The following MCUR1 variants were observed in gnomAD, a reference collection of about 807,000 sequenced individuals.
MCUR1 encodes the protein MCU regulator 1.
MCUR1 carries 37 observed loss-of-function variants against 42.0 expected under a neutral mutation model. The observed-to-expected ratio is 0.88, with a 90% CI of 0.68 to 1.16. The LOEUF (loss-of-function observed/expected upper bound fraction) is 1.16, where lower values mean the gene tolerates loss of function less well. MCUR1 is among the 50% of genes most tolerant of loss of function. The pLI, the probability that MCUR1 is intolerant of heterozygous loss-of-function variation, is 0.00. For synonymous variants in MCUR1, 229 were observed against 196.2 expected, an observed-to-expected ratio of 1.17 and a Z score of -1.40; for missense variants, 469 against 468.4, an observed-to-expected ratio of 1.00 and a Z score of -0.01.
chr6:13,800,519 C>A, intron 4 of MCUR1, 137 bp from the exon 5 acceptor site: 1 of 568,432 alleles, frequency 1.8e-6, no homozygotes, highest in Non-Finnish European at 3.2e-6. Context: ...TGCAGAATGG[C>A]ATTACAACAC....
intron 5 of MCUR1, among the ~76,000 whole-genome samples, chr6:13,799,187 ATT>A (rs11482576): frequency 7.2e-5 from 10 of 139,754 alleles, no homozygotes; most frequent in East Asian, 2.1e-4. Flanking sequence ...TGTTGCTGCC[ATT>A]TTTTTTTTTT....
intron 6 of MCUR1, among the ~76,000 whole-genome samples, chr6:13,797,545 A>G (rs1160468638): frequency 6.6e-6 from 1 of 151,528 alleles, no homozygotes; most frequent in African/African-American, 2.4e-5. Context: ...CGTCTCTACT[A>G]AAAATACAAA....
In MCUR1 at chr6:13,800,977, T is replaced by C. The variant is rs183047857; in HGVS notation, c.741+311A>G. Among the ~76,000 whole-genome samples the C allele has an allele frequency of 1.5e-3, 233 of 152,264 alleles. 1 individual carries two copies. Among genetic ancestry groups the C allele is most frequent in the South Asian group, 4.3e-3 (21 of 4,832 alleles). On this transcript the variant is annotated intron_variant, in intron 4 of 8. Transcript: ENST00000379170. ...ATGGGGCCTATTGATGTTAAGACTA[T>C]AGACAATGAAAAAAATGATCTCTTG...
chr6:13,800,512 A>C (rs1481329899), intron 4 of MCUR1, 130 bp from the exon 5 acceptor site: 3 of 578,454 alleles, frequency 5.2e-6, no homozygotes, highest in Admixed American at 3.3e-5. Context: ...TATTGATTGC[A>C]GAATGGCATT....
chr6:13,808,515 G>GTTTTTTCTTTTGTTGCCTGTGC (rs1330967383), intron 1 of MCUR1, among the ~76,000 whole-genome samples: 249 of 152,250 alleles, frequency 1.6e-3, no homozygotes, highest in Non-Finnish European at 3.0e-3. Context: ...CAATTGATCT[G>GTTTTTTCTTTTGTTGCCTGTGC]TTTTTTCTTT....
rs1760006866 is a variant in MCUR1 at position 13,802,281 on chromosome 6, C to CCATGTTGGCCTCCAGGATCTTGACCA, written c.575_600dup (p.Asp201TrpfsTer29). 6.2e-7 allele frequency: 1 copy of CCATGTTGGCCTCCAGGATCTTGACCA among 1,613,830 alleles called. No homozygotes were observed. Among genetic ancestry groups the CCATGTTGGCCTCCAGGATCTTGACCA allele is most frequent in the Non-Finnish European group, 8.5e-7 (1 of 1,179,908 alleles). Reference sequence around the variant, plus strand: ...GTGACCATATCTTTGTAGACGATGTCCATGTTGGCCTCCAGGATCTTGACC... The same window carrying CCATGTTGGCCTCCAGGATCTTGACCA: ...GTGACCATATCTTTGTAGACGATGTCCATGTTGGCCTCCAGGATCTTGACCACATGTTGGCCTCCAGGATCTTGACC... On this transcript the variant is annotated frameshift_variant, in exon 3 of 9. Coordinates refer to ENST00000379170, the MANE Select transcript of MCUR1 (RefSeq NM_001031713.4). LOFTEE classifies it high-confidence loss of function.
In MCUR1 at chr6:13,800,361, G is replaced by C. The variant is rs1759963911; in HGVS notation, c.763C>G (p.Gln255Glu). ...ENEKIKLELH[Q>E]LKQQVMDEVI... ...CTTACCATTACTTGTTGTTTTAACT[G>C]ATGTAGTTCGAGTTTTATTTTCTAA... Residue 255 changes from glutamine to glutamate, a missense_variant, in exon 5 of 9, where the codon CAG becomes GAG. By Grantham distance (29) the Gln-to-Glu change is conservative (BLOSUM62 2). Transcript: ENST00000379170. The C allele has an allele frequency of 2.5e-6, 4 of 1,572,966 alleles. No individual in the cohort carries two copies. The highest frequency in any genetic ancestry group is 3.5e-6 in the Non-Finnish European group (4 of 1,154,746).
intron 6 of MCUR1, among the ~76,000 whole-genome samples, chr6:13,797,830 C>T (rs776007988): frequency 6.6e-6 from 1 of 151,938 alleles, no homozygotes; most frequent in Admixed American, 6.6e-5. Context: ...TTGAGACCAG[C>T]CTGGCCAACA....
At chr6:13,804,790 CA>C (rs971958696) in intron 2 of MCUR1, among the ~76,000 whole-genome samples, 4,697 of 50,574 alleles carry the variant, frequency 0.093, 53 homozygotes, top group African/African-American at 0.2. Flanking sequence ...ACTCTGTCTC[CA>C]AAAAAAAAAA....
chr6:13,810,749 G>A (rs1584991374), intron 1 of MCUR1, among the ~76,000 whole-genome samples: 1 of 152,214 alleles, frequency 6.6e-6, no homozygotes, highest in African/African-American at 2.4e-5. Context: ...ATCCAGATGA[G>A]TGCAAGAGAT....
intron 5 of MCUR1, among the ~76,000 whole-genome samples, chr6:13,799,823 T>TTTTC (rs1285697726): frequency 7.5e-6 from 1 of 132,874 alleles, no homozygotes; most frequent in African/African-American, 3.0e-5. Context: ...TAGAACACAA[T>TTTTC]TTTCTTTTTT....
chr6:13,793,935 C>T lies in MCUR1; in HGVS notation c.868G>A (p.Glu290Lys), dbSNP rs747096471. 2.2e-5 allele frequency: 36 copies of T among 1,613,460 alleles called. No homozygotes were observed. Among genetic ancestry groups the T allele is most frequent in the South Asian group, 9.9e-5 (9 of 91,080 alleles). ...SRVKELYSLN[E>K]KKLLELRTEI... ...GTTCTCAATTCCAGCAGCTTCTTTTCGTTCAATGAATACTGAAATAAACAC... is the reference window on the plus strand; with the variant it reads ...GTTCTCAATTCCAGCAGCTTCTTTTTGTTCAATGAATACTGAAATAAACAC... The change falls in exon 7 of 9, where the codon GAA becomes AAA. Residue 290 changes from glutamate (E) to lysine (K), a missense_variant. Physicochemically the swap from Glu to Lys is moderately conservative, Grantham distance 56. Transcript: ENST00000379170.
intron 1 of MCUR1, among the ~76,000 whole-genome samples, chr6:13,810,987 T>C (rs753795208): frequency 6.6e-6 from 1 of 152,248 alleles, no homozygotes; most frequent in African/African-American, 2.4e-5. Flanking sequence ...TTTCCTGCAA[T>C]TGCATGCTTA....
In MCUR1 at chr6:13,789,480, G is replaced by T. The variant is rs1325315247; in HGVS notation, c.*1329C>A. The T allele has an allele frequency of 6.6e-6, 1 of 152,102 alleles. No homozygotes were observed. The highest frequency in any genetic ancestry group is 1.9e-4 in the East Asian group (1 of 5,194). The allele number at this position is 152,102 out of a possible 1,614,324, so 9.4% of individuals were successfully genotyped here. A position where few individuals can be genotyped will look rare whatever the true frequency, so the allele number is the denominator to read the frequency against. On this transcript the variant is annotated 3_prime_UTR_variant, in exon 9 of 9. Coordinates refer to ENST00000379170, the MANE Select transcript of MCUR1 (RefSeq NM_001031713.4). ...GAATTTGTTTTCAATATAAAGGCAG[G>T]TATGAGAATGTTTTGAACAACAGAA...
At chr6:13,798,498 C>T (rs1467629645) in intron 6 of MCUR1, among the ~76,000 whole-genome samples, 5 of 152,022 alleles carry the variant, frequency 3.3e-5, no homozygotes, top group Non-Finnish European at 7.4e-5. Flanking sequence ...TTAACTTTTA[C>T]AAGATCAAGA....
chr6:13,787,071 A>C lies in MCUR1; in HGVS notation c.*3738T>G, dbSNP rs1415090246. 2 of 152,212 alleles carry C rather than the reference A, an allele frequency of 1.3e-5. No homozygotes were observed. Among genetic ancestry groups the C allele is most frequent in the Non-Finnish European group, 2.9e-5 (2 of 68,036 alleles). The allele number at this position is 152,212 out of a possible 1,614,324, so 9.4% of individuals were successfully genotyped here. A position where few individuals can be genotyped will look rare whatever the true frequency, so the allele number is the denominator to read the frequency against. On this transcript the variant is annotated 3_prime_UTR_variant, in exon 9 of 9. Coordinates refer to ENST00000379170, the MANE Select transcript of MCUR1 (RefSeq NM_001031713.4). Reference sequence around the variant, plus strand: ...CTATATTTGTTTAGAATTTTGCAAAATTCTTAGAAGATTGCATGTTAGGGT... The same window carrying C: ...CTATATTTGTTTAGAATTTTGCAAACTTCTTAGAAGATTGCATGTTAGGGT...
chr6:13,802,400 G>T, intron 2 of MCUR1, 54 bp from the exon 3 acceptor site: 1 of 1,348,648 alleles, frequency 7.4e-7, no homozygotes, highest in Non-Finnish European at 1.1e-6. Context: ...AAAGCCCACA[G>T]CAAATGCACA....
chr6:13,797,704 C>T (rs1458868295), intron 6 of MCUR1, among the ~76,000 whole-genome samples: 3 of 147,032 alleles, frequency 2.0e-5, no homozygotes, highest in South Asian at 2.2e-4. Flanking sequence ...CGAGACTCCG[C>T]CTCAAACAAA....
chr6:13,800,374 T>C lies in MCUR1; in HGVS notation c.750A>G (p.Lys250=). The change falls in exon 5 of 9, where the codon AAA becomes AAG. Residue 250 remains lysine, a synonymous_variant. Coordinates refer to ENST00000379170, the MANE Select transcript of MCUR1 (RefSeq NM_001031713.4). The part of the protein sequence containing the change: ...SALRAENEKI[K]LELHQLKQQV... ...GTTGTTTTAACTGATGTAGTTCGAG[T>C]TTTATTTTCTAAAAACACATAAAAA... is the stretch of plus-strand genomic sequence containing the variant. The C allele has an allele frequency of 6.5e-7, 1 of 1,539,656 alleles. No individual in the cohort carries two copies. Among genetic ancestry groups the C allele is most frequent in the Non-Finnish European group, 8.8e-7 (1 of 1,132,204 alleles).
Sources: gnomAD v4.1 joint callset for allele counts (sites outside exome capture counted in the v4.1 genomes callset) on GRCh38, gnomAD v4.1.1 for gene constraint, MANE v1.5 for transcripts, NCBI Gene and HGNC (gene_info 2026-07-23, HGNC 2026-07-21) for gene names.